CSMD1: variants seen among roughly 807,000 people sequenced by gnomAD.
CSMD1 encodes the protein CUB and sushi domain-containing protein 1.
CSMD1 carries 213 observed loss-of-function variants against 417.5 expected under a neutral mutation model. The observed-to-expected ratio is 0.51, with a 90% CI of 0.46 to 0.57. The LOEUF is 0.57. Ranked by LOEUF, CSMD1 falls within the 20% of genes least tolerant of loss-of-function variation. CSMD1 has a pLI of 0.00. For missense variants in CSMD1, 6,923 were observed against 4,529.7 expected (o/e 1.53, Z -15.17); for synonymous variants, 2,862 against 1,736.8 (o/e 1.65, Z -16.11).
rs531395526 is a variant in CSMD1 at position 4,018,972 on chromosome 8, CTTTGTG to C, written c.610+12927_610+12932del. Among the ~76,000 whole-genome samples the C allele has an allele frequency of 2.8e-3, 425 of 152,314 alleles. 1 individual carries two copies. Among genetic ancestry groups the C allele is most frequent in the Non-Finnish European group, 4.1e-3 (278 of 68,018 alleles). Reference sequence around the variant, plus strand: ...AACATTGTCTGACATTTTGTGATTGCTTTGTGTTTAACTCTGATTACCACACTTTCT... The same window carrying C: ...AACATTGTCTGACATTTTGTGATTGCTTTAACTCTGATTACCACACTTTCT... On this transcript the variant is annotated intron_variant, in intron 4 of 69. Coordinates refer to ENST00000635120, the MANE Select transcript of CSMD1 (RefSeq NM_033225.6).
At chr8:4,887,930 G>C (rs1365568104) in intron 1 of CSMD1, among the ~76,000 whole-genome samples, 2 of 151,900 alleles carry the variant, frequency 1.3e-5, no homozygotes, top group Non-Finnish European at 2.9e-5. Context: ...TTTATCTAAA[G>C]TGAGTCTCAT....
rs567741257 is a variant in CSMD1, at chr8:4,825,118, A to C, written c.85+169214T>G. Among the ~76,000 whole-genome samples, 3 of 152,236 alleles carry C rather than the reference A, an allele frequency of 2.0e-5. No individual in the cohort carries two copies. In the South Asian group the frequency reaches 6.2e-4, roughly 32 times the overall value. On this transcript the variant is annotated intron_variant, in intron 1 of 69. Transcript: ENST00000635120. ...TATAACTTGATGAACAACACAAATCAAGGTAATTTTAGATTTCAACATTTT... is the reference window on the plus strand; with the variant it reads ...TATAACTTGATGAACAACACAAATCCAGGTAATTTTAGATTTCAACATTTT...
chr8:4,050,533 T>G (rs1015339580), intron 3 of CSMD1, among the ~76,000 whole-genome samples: 5 of 152,160 alleles, frequency 3.3e-5, no homozygotes, highest in Non-Finnish European at 7.3e-5. Flanking sequence ...GGGTAAATCT[T>G]TAAGCATTTA....
At chr8:3,721,056 T>C (rs1477824497) in intron 6 of CSMD1, among the ~76,000 whole-genome samples, 2 of 151,990 alleles carry the variant, frequency 1.3e-5, no homozygotes, top group Non-Finnish European at 2.9e-5. Flanking sequence ...CTCCCGACCT[T>C]GGGTGATCTG....
intron 3 of CSMD1, among the ~76,000 whole-genome samples, chr8:4,325,100 C>A (rs143510785): frequency 1.3e-5 from 2 of 152,122 alleles, no homozygotes; most frequent in Admixed American, 1.3e-4. Context: ...ACATCAGTAA[C>A]CCACTTGATG....
intron 21 of CSMD1, among the ~76,000 whole-genome samples, chr8:3,351,376 C>T (rs1406656505): frequency 3.3e-5 from 5 of 151,674 alleles, no homozygotes; most frequent in East Asian, 3.9e-4. Flanking sequence ...TTTCGGAGGC[C>T]GAGGCAGGCG....
At chr8:3,215,829 G>A (rs1188803440) in intron 29 of CSMD1, among the ~76,000 whole-genome samples, 1 of 151,928 alleles carries the variant, frequency 6.6e-6, no homozygotes, top group Non-Finnish European at 1.5e-5. Context: ...ACTTTGGGAA[G>A]CTCTGGAGGA....
intron 10 of CSMD1, among the ~76,000 whole-genome samples, chr8:3,548,656 T>TCA (rs1322469479): frequency 1.5e-3 from 131 of 86,074 alleles, no homozygotes; most frequent in African/African-American, 5.4e-3. Flanking sequence ...TGGTATTCCA[T>TCA]CATACACACA....
intron 8 of CSMD1, among the ~76,000 whole-genome samples, chr8:3,599,161 G>GTC (rs551177315): frequency 5.7e-5 from 7 of 123,706 alleles, no homozygotes; most frequent in African/African-American, 2.5e-4. Context: ...CTGTGTGTGT[G>GTC]TCTGTGTGTG....
chr8:4,218,262 G>A (rs925537163), intron 3 of CSMD1, among the ~76,000 whole-genome samples: 10 of 152,100 alleles, frequency 6.6e-5, no homozygotes, highest in East Asian at 3.9e-4. Flanking sequence ...TCTGAATTGC[G>A]TGTGACAATA....
chr8:3,628,400 G>C (rs546579919), intron 7 of CSMD1, among the ~76,000 whole-genome samples: 6 of 152,318 alleles, frequency 3.9e-5, no homozygotes, highest in East Asian at 1.9e-4. Flanking sequence ...CGTAGTCATG[G>C]GGACTTGGCC....
At chr8:4,612,745 G>A (rs1390588204) in intron 2 of CSMD1, among the ~76,000 whole-genome samples, 2 of 152,180 alleles carry the variant, frequency 1.3e-5, no homozygotes, top group Non-Finnish European at 2.9e-5. Context: ...GTGCAAATGT[G>A]TGTGTACCTG....
chr8:3,049,230 G>C (rs188026386), intron 50 of CSMD1, among the ~76,000 whole-genome samples: 1 of 151,974 alleles, frequency 6.6e-6, no homozygotes, highest in Admixed American at 6.6e-5. Flanking sequence ...CTCAACCTTC[G>C]GTATTTACTC....
At chr8:4,548,720 A>T (rs1006000142) in intron 2 of CSMD1, among the ~76,000 whole-genome samples, 2 of 152,110 alleles carry the variant, frequency 1.3e-5, no homozygotes, top group Admixed American at 6.6e-5. Context: ...ACTGATCTCC[A>T]GTTGTCAAGG....
chr8:3,964,338 C>T (rs1047584867), intron 5 of CSMD1, among the ~76,000 whole-genome samples: 1 of 152,158 alleles, frequency 6.6e-6, no homozygotes, highest in Non-Finnish European at 1.5e-5. Flanking sequence ...GTCACCGTGA[C>T]TTATTTGAGC....
chr8:4,661,339 T>G (rs1052240471), intron 1 of CSMD1, among the ~76,000 whole-genome samples: 1 of 152,220 alleles, frequency 6.6e-6, no homozygotes, highest in Admixed American at 6.5e-5. Context: ...ACATGCCATA[T>G]ACTGGATACA....
chr8:4,994,166 G>A (rs1811631223), intron 1 of CSMD1, among the ~76,000 whole-genome samples, 166 bp downstream of exon 1: 1 of 152,038 alleles, frequency 6.6e-6, no homozygotes, highest in Admixed American at 6.5e-5. Context: ...AGAGCGCGAT[G>A]GAAGCTCCCT....
At chr8:4,711,235 A>G (rs1028099928) in intron 1 of CSMD1, among the ~76,000 whole-genome samples, 2 of 151,994 alleles carry the variant, frequency 1.3e-5, no homozygotes, top group African/African-American at 4.8e-5. Flanking sequence ...TAATCATGCT[A>G]TGAAATGAGG....
chr8:3,122,638 T>G (rs1817272758), intron 41 of CSMD1, among the ~76,000 whole-genome samples: 1 of 152,194 alleles, frequency 6.6e-6, no homozygotes, highest in South Asian at 2.1e-4. Context: ...TGAATGAGTC[T>G]CACGAGAGCT....
Sources: gnomAD v4.1 joint callset for allele counts (sites outside exome capture counted in the v4.1 genomes callset) on GRCh38, gnomAD v4.1.1 for gene constraint, MANE v1.5 for transcripts, NCBI Gene and HGNC (gene_info 2026-07-23, HGNC 2026-07-21) for gene names.